Variants in PTPRD observed in about 807,000 individuals in gnomAD.
PTPRD encodes protein tyrosine phosphatase receptor type D.
Under a neutral mutation model 214.5 loss-of-function variants are expected in PTPRD, and 34 were observed. That is an observed-to-expected ratio of 0.16 (90% CI 0.12 to 0.21). The LOEUF is 0.21. Ranked by LOEUF, PTPRD falls within the 10% of genes least tolerant of loss-of-function variation. PTPRD has a pLI of 1.00. For missense variants in PTPRD, 2,545 were observed against 2,398.7 expected (o/e 1.06, Z -1.27); for synonymous variants, 1,128 against 845.7 (o/e 1.33, Z -5.79).
At chr9:9,323,392 T>C (rs1967700228) in intron 9 of PTPRD, among the ~76,000 whole-genome samples, 1 of 152,158 alleles carries the variant, frequency 6.6e-6, no homozygotes, top group Non-Finnish European at 1.5e-5. Context: ...AGTACAATTA[T>C]CCTAACCTTA....
intron 5 of PTPRD, among the ~76,000 whole-genome samples, chr9:9,838,940 TG>T (rs1351654411): frequency 6.6e-6 from 1 of 152,132 alleles, no homozygotes; most frequent in African/African-American, 2.4e-5. Flanking sequence ...AATTAATTTT[TG>T]TATAAGGTGT....
At chr9:9,110,114 C>T (rs994131688) in intron 10 of PTPRD, among the ~76,000 whole-genome samples, 4 of 152,018 alleles carry the variant, frequency 2.6e-5, no homozygotes, top group Non-Finnish European at 5.9e-5. Flanking sequence ...GAAAAGGAAT[C>T]GTATTGTAGT....
At chr9:10,134,289 C>T (rs985271860) in intron 3 of PTPRD, among the ~76,000 whole-genome samples, 1 of 152,174 alleles carries the variant, frequency 6.6e-6, no homozygotes, top group African/African-American at 2.4e-5. Flanking sequence ...GGAGCACAGC[C>T]TGACAGGTCC....
intron 11 of PTPRD, among the ~76,000 whole-genome samples, chr9:8,956,131 A>T (rs189207335): frequency 6.6e-6 from 1 of 151,954 alleles, no homozygotes; most frequent in Admixed American, 6.6e-5. Flanking sequence ...TGTCAGAAAC[A>T]TAAGGTGCTG....
chr9:8,404,711 A>G (rs1442887685), intron 35 of PTPRD, 51 bp from the exon 36 acceptor site: 3 of 1,559,054 alleles, frequency 1.9e-6, no homozygotes, highest in Middle Eastern at 3.5e-4. Context: ...GAAAACCACC[A>G]GATTATAGGC....
chr9:9,223,325 G>A (rs764221046), intron 9 of PTPRD, among the ~76,000 whole-genome samples: 2 of 151,900 alleles, frequency 1.3e-5, no homozygotes, highest in African/African-American at 4.8e-5. Flanking sequence ...ACACCCCACT[G>A]AGCTGCCTTA....
intron 7 of PTPRD, among the ~76,000 whole-genome samples, chr9:9,733,358 G>C (rs768591746): frequency 3.9e-5 from 6 of 152,126 alleles, no homozygotes; most frequent in South Asian, 2.1e-4. Flanking sequence ...TTAGTGATGA[G>C]ATCTGATATA....
intron 39 of PTPRD, among the ~76,000 whole-genome samples, chr9:8,351,518 A>G (rs2075443844): frequency 6.6e-6 from 1 of 151,978 alleles, no homozygotes; most frequent in South Asian, 2.1e-4. Flanking sequence ...TTCAATAAAG[A>G]GTTGAGGCTC....
chr9:9,062,550 C>T (rs371243783), intron 10 of PTPRD, among the ~76,000 whole-genome samples: 1,837 of 113,254 alleles, frequency 0.016, 33 homozygotes, highest in Middle Eastern at 0.1. Flanking sequence ...TGCATCTCTC[C>T]ATATATTATC....
At chr9:8,892,131 C>G (rs1267505675) in intron 11 of PTPRD, among the ~76,000 whole-genome samples, 1 of 152,136 alleles carries the variant, frequency 6.6e-6, no homozygotes, top group Non-Finnish European at 1.5e-5. Context: ...TCTGCTGACC[C>G]CAGCCCTAAC....
intron 11 of PTPRD, among the ~76,000 whole-genome samples, chr9:8,833,851 T>C (rs947170639): frequency 6.6e-6 from 1 of 151,150 alleles, no homozygotes; most frequent in African/African-American, 2.4e-5. Context: ...CCACCTCTCT[T>C]TAAAGAAAAA....
chr9:9,398,674 T>C (rs2141242610), intron 8 of PTPRD, among the ~76,000 whole-genome samples: 1 of 152,168 alleles, frequency 6.6e-6, no homozygotes, highest in South Asian at 2.1e-4. Context: ...TCTTTAAGAC[T>C]TTTTCAATCA....
chr9:9,281,344 G>T (rs766939979), intron 9 of PTPRD, among the ~76,000 whole-genome samples: 2 of 151,166 alleles, frequency 1.3e-5, no homozygotes, highest in South Asian at 2.1e-4. Context: ...ATTTGCAAAA[G>T]ACATCTAATA....
intron 7 of PTPRD, among the ~76,000 whole-genome samples, chr9:9,616,109 G>C (rs2094843265): frequency 6.6e-6 from 1 of 152,144 alleles, no homozygotes; most frequent in Non-Finnish European, 1.5e-5. Context: ...CTGCCAAATT[G>C]ATACGGTAAT....
intron 7 of PTPRD, among the ~76,000 whole-genome samples, chr9:9,677,181 T>G (rs1478109623): frequency 6.6e-6 from 1 of 152,158 alleles, no homozygotes; most frequent in East Asian, 1.9e-4. Context: ...CTTTTTGGTG[T>G]TTTAGACATG....
At chr9:9,824,034 G>A (rs1210015891) in intron 5 of PTPRD, among the ~76,000 whole-genome samples, 1 of 151,768 alleles carries the variant, frequency 6.6e-6, no homozygotes. Context: ...GAAAAGAAAT[G>A]CAGTCAACTC....
chr9:10,188,283 C>T (rs907753517), intron 3 of PTPRD, among the ~76,000 whole-genome samples: 1 of 152,024 alleles, frequency 6.6e-6, no homozygotes, highest in Non-Finnish European at 1.5e-5. Flanking sequence ...TAAAGTATAA[C>T]TCATGAAAGC....
chr9:9,843,437 T>G (rs189412891), intron 5 of PTPRD, among the ~76,000 whole-genome samples: 4 of 152,108 alleles, frequency 2.6e-5, no homozygotes, highest in Admixed American at 2.6e-4. Flanking sequence ...TTAATGACCT[T>G]GGCCAAGTTA....
chr9:10,299,687 G>C (rs528900666), intron 3 of PTPRD, among the ~76,000 whole-genome samples: 1 of 152,250 alleles, frequency 6.6e-6, no homozygotes, highest in East Asian at 1.9e-4. Context: ...GGTAGGCCTG[G>C]AGTCACTACA....
Sources: gnomAD v4.1 joint callset for allele counts (sites outside exome capture counted in the v4.1 genomes callset) on GRCh38, gnomAD v4.1.1 for gene constraint, MANE v1.5 for transcripts, NCBI Gene and HGNC (gene_info 2026-07-23, HGNC 2026-07-21) for gene names.